Variants in AP1M2 observed in about 807,000 individuals in gnomAD.
AP1M2 encodes adaptor related protein complex 1 subunit mu 2.
Under a neutral mutation model 54.6 loss-of-function variants are expected in AP1M2, and 41 were observed. The ratio of observed to expected loss-of-function variants is 0.75; its 90% CI spans 0.59 to 0.97. The LOEUF is 0.97. AP1M2 is among the 50% of genes least tolerant of loss of function. AP1M2 has a pLI of 0.00. For synonymous variants in AP1M2, 219 were observed against 215.9 expected (o/e 1.01, Z -0.13); for missense variants, 507 against 561.2 (o/e 0.90, Z 0.98).
intron 9 of AP1M2, among the ~76,000 whole-genome samples, chr19:10,575,313 C>T (rs1172430961): frequency 6.6e-6 from 1 of 152,160 alleles, no homozygotes; most frequent in African/African-American, 2.4e-5. Context: ...GATCTCACCA[C>T]TGCACCCCAA....
chr19:10,581,688 C>A, intron 4 of AP1M2, 54 bp from the exon 5 acceptor site: 4 of 1,611,686 alleles, frequency 2.5e-6, no homozygotes, highest in Non-Finnish European at 3.4e-6. Flanking sequence ...CCTCCGTGGA[C>A]CTCCTCCAGT....
intron 5 of AP1M2, 34 bp from the exon 6 acceptor site, chr19:10,581,426 T>C (rs530539981): frequency 6.2e-7 from 1 of 1,609,930 alleles, no homozygotes; most frequent in East Asian, 2.2e-5. Context: ...TTAGCAGGCA[T>C]CAAACTCCGT....
At chr19:10,574,599 T>C (rs1300496403) in intron 10 of AP1M2, 107 bp from the exon 11 acceptor site, 2 of 969,718 alleles carry the variant, frequency 2.1e-6, no homozygotes, top group Non-Finnish European at 1.5e-6. Flanking sequence ...CAGGCTGGGA[T>C]CGATGAGGGG....
chr19:10,583,373 C>T (rs1000494719), intron 3 of AP1M2, among the ~76,000 whole-genome samples: 1 of 151,340 alleles, frequency 6.6e-6, no homozygotes, highest in East Asian at 1.9e-4. Context: ...AAGGGGTGAG[C>T]GTGGTGGCTC....
chr19:10,579,715 C>T lies in AP1M2; in HGVS notation c.816+1G>A. On this transcript the variant is annotated splice_donor_variant, in intron 7 of 11. Transcript: ENST00000250244. LOFTEE classifies it high-confidence loss of function. ...CCAGATGGGGCTGGACCCTGCCTCA[C>T]CTGGGTGCTGAGGCGGTATGACATG... The T allele has an allele frequency of 6.2e-7, 1 of 1,612,138 alleles. No individual in the cohort carries two copies. The highest frequency in any genetic ancestry group is 1.1e-5 in the South Asian group (1 of 90,804).
intron 7 of AP1M2, 32 bp from the exon 8 acceptor site, chr19:10,578,995 G>C: frequency 7.2e-7 from 1 of 1,386,888 alleles, no homozygotes; most frequent in Non-Finnish European, 1.0e-6. Flanking sequence ...AGTTCTTGGA[G>C]ACTCCATGTT....
Position 10,587,207 on chromosome 19 carries a change from G to A in AP1M2, c.25C>T (p.Leu9=), listed in dbSNP as rs1367986532. 4.5e-6 allele frequency: 7 copies of A among 1,561,612 alleles called. No homozygotes were observed. The highest frequency in any genetic ancestry group is 6.1e-6 in the Non-Finnish European group (7 of 1,152,870). ...AGCCTCACCTTGCCCTTAACGTCCA[G>A]AATGAAGACAGCCGAGGCGGACATG... MSASAVFI[L]DVKGKPLISR... is the part of the protein sequence containing the mutation. Residue 9 remains leucine, a synonymous_variant, in exon 1 of 12, where the codon CTG becomes TTG. Transcript: ENST00000250244.
chr19:10,587,255 G>C lies in AP1M2; in HGVS notation c.-24C>G. On this transcript the variant is annotated 5_prime_UTR_variant, in exon 1 of 12. Coordinates refer to ENST00000250244, the MANE Select transcript of AP1M2 (RefSeq NM_005498.5). ...ATGGTGGCGGCCGAAGGACTTAGGA[G>C]TCGGGGAGGGAGCGCCGGGAGGCGA... 6.4e-7 allele frequency: 1 copy of C among 1,560,284 alleles called. No individual in the cohort carries two copies. The highest frequency in any genetic ancestry group is 8.7e-7 in the Non-Finnish European group (1 of 1,152,420).
chr19:10,583,346 C>G lies in AP1M2; in HGVS notation c.267+260G>C, dbSNP rs79372534. On this transcript the variant is annotated intron_variant, in intron 3 of 11. Coordinates refer to ENST00000250244, the MANE Select transcript of AP1M2 (RefSeq NM_005498.5). ...CTTTGATGGCGGATGCACAGAGACT[C>G]AAACAAGGCCCCAGGGAAGGGGTGA... 1.4e-3 allele frequency among the ~76,000 whole-genome samples: 220 copies of G among 151,968 alleles called. 2 individuals carry two copies. The East Asian group carries it at 0.035, about 24-fold the overall frequency.
rs747962738 is a variant in AP1M2, at chr19:10,583,639, G to C, written c.234C>G (p.Ser78=). Residue 78 remains serine, a synonymous_variant, in exon 3 of 12, where the codon TCC becomes TCG. Transcript: ENST00000250244. The stretch of plus-strand genomic sequence containing the variant: ...TCTTATACAGGAAGGAGTACACCAG[G>C]GAGGCATTGGCATTCTTCGATGTGG... The part of the protein sequence containing the change: ...VATTSKNANA[S]LVYSFLYKTI... The C allele has an allele frequency of 3.1e-6, 5 of 1,613,304 alleles. No homozygotes were observed. The highest frequency in any genetic ancestry group is 4.2e-6 in the Non-Finnish European group (5 of 1,179,554).
rs187380166 is a variant in AP1M2 at position 10,585,310 on chromosome 19, A to G, written c.43-1240T>C. Among the ~76,000 whole-genome samples, 670 of 93,958 alleles carry G rather than the reference A, an allele frequency of 7.1e-3. 1 individual carries two copies. Among genetic ancestry groups the G allele is most frequent in the Middle Eastern group, 0.015 (3 of 206 alleles). 61.6% of individuals were successfully genotyped at this position (93,958 alleles called of 152,430 possible). A position where few individuals can be genotyped will look rare whatever the true frequency, so the allele number is the denominator to read the frequency against. On this transcript the variant is annotated intron_variant, in intron 1 of 11. Transcript: ENST00000250244. ...AAGAAAGAAAGAAAGAAAGAAAGAA[A>G]GAAAGAAAGAAAGAAAGAAAGAAAG...
At chr19:10,584,704 A>C (rs1206844632) in intron 1 of AP1M2, among the ~76,000 whole-genome samples, 1 of 152,074 alleles carries the variant, frequency 6.6e-6, no homozygotes, top group Non-Finnish European at 1.5e-5. Flanking sequence ...TGGCTACTAA[A>C]AAAAGAGTAG....
chr19:10,582,263 C>T (rs1236477557), intron 3 of AP1M2, among the ~76,000 whole-genome samples: 1 of 151,970 alleles, frequency 6.6e-6, no homozygotes, highest in African/African-American at 2.4e-5. Context: ...AGGATGATCT[C>T]GATCTCTTGA....
At chr19:10,577,145 C>T in intron 9 of AP1M2, 53 bp downstream of exon 9, 1 of 1,556,940 alleles carries the variant, frequency 6.4e-7, no homozygotes, top group Non-Finnish European at 8.7e-7. Flanking sequence ...GCAGCCCCCA[C>T]ACTACTCCAG....
At chr19:10,581,428 A>C in intron 5 of AP1M2, 36 bp from the exon 6 acceptor site, 4 of 1,610,250 alleles carry the variant, frequency 2.5e-6, no homozygotes, top group Non-Finnish European at 3.4e-6. Context: ...AGCAGGCATC[A>C]AACTCCGTCT....
In AP1M2 at chr19:10,579,730, G is replaced by A. The variant is rs1383931855; in HGVS notation, c.802C>T (p.Arg268Cys). The A allele has an allele frequency of 9.3e-6, 15 of 1,613,174 alleles. No individual in the cohort carries two copies. The highest frequency in any genetic ancestry group is 1.2e-5 in the Non-Finnish European group (14 of 1,179,638). Reference sequence around the variant, plus strand: ...CCCTGCCTCACCTGGGTGCTGAGGCGGTATGACATGAGCTCAAAGTCACCA... The same window carrying A: ...CCCTGCCTCACCTGGGTGCTGAGGCAGTATGACATGAGCTCAAAGTCACCA... ...PDGDFELMSY[R>C]LSTQVKPLIW... The change falls in exon 7 of 12, where the codon CGC becomes TGC. Residue 268 changes from arginine to cysteine, a missense_variant. By Grantham distance (180) the Arg-to-Cys change is radical. Coordinates refer to ENST00000250244, the MANE Select transcript of AP1M2 (RefSeq NM_005498.5).
chr19:10,575,688 G>C (rs1043374650), intron 9 of AP1M2, among the ~76,000 whole-genome samples: 2 of 151,582 alleles, frequency 1.3e-5, no homozygotes, highest in Admixed American at 6.6e-5. Context: ...GACTGGCCTG[G>C]TTTCAAGCTT....
intron 8 of AP1M2, among the ~76,000 whole-genome samples, chr19:10,577,595 A>G (rs2049033265): frequency 1.3e-5 from 2 of 149,686 alleles, no homozygotes; most frequent in South Asian, 4.2e-4. Flanking sequence ...CAGCACGCCC[A>G]GCTAATTTTT....
chr19:10,583,591 G>T lies in AP1M2; in HGVS notation c.267+15C>A. ...GACGGATAGACCAGTTAGCCAATGG[G>T]AGGCTAGTACCTACCTCTATTGTCT... On this transcript the variant is annotated intron_variant, in intron 3 of 11. Transcript: ENST00000250244. 6.3e-7 allele frequency: 1 copy of T among 1,582,016 alleles called. No homozygotes were observed. Among genetic ancestry groups the T allele is most frequent in the South Asian group, 1.1e-5 (1 of 89,640 alleles).
Sources: allele counts gnomAD v4.1 joint callset (sites outside exome capture counted in the v4.1 genomes callset), GRCh38; gene constraint gnomAD v4.1.1; transcripts MANE v1.5; gene names NCBI Gene and HGNC (gene_info 2026-07-23, HGNC 2026-07-21).